Variants in EPHX3 observed in about 807,000 individuals in gnomAD.
EPHX3 encodes epoxide hydrolase 3.
In EPHX3, 39 loss-of-function variants were observed where a neutral mutation model predicts 40.2. The ratio of observed to expected loss-of-function variants is 0.97; its 90% confidence interval spans 0.75 to 1.27. The LOEUF is 1.27. Ranked by LOEUF, EPHX3 falls within the 50% of genes most tolerant of loss-of-function variation. EPHX3 has a pLI of 0.00. For missense variants in EPHX3, 442 were observed against 474.0 expected, an observed-to-expected ratio of 0.93 and a Z score of 0.63; for synonymous variants, 213 against 209.7, an observed-to-expected ratio of 1.02 and a Z score of -0.14.
Position 15,232,136 on chromosome 19 carries a change from T to G in EPHX3, c.76A>C (p.Ser26Arg), listed in dbSNP as rs2047160467. 1 of 1,536,898 alleles carries G rather than the reference T, an allele frequency of 6.5e-7. No homozygotes were observed. The highest frequency in any genetic ancestry group is 1.4e-5 in the African/African-American group (1 of 71,480). ...SLKLLRAFMW[S>R]LVFSVALVAA... ...ACCAGCGCCACCGAGAACACCAGGC[T>G]CCACATGAAGGCGCGCAGCAGCTTC... is the stretch of plus-strand genomic sequence containing the variant. Residue 26 changes from serine to arginine, a missense_variant, in exon 1 of 7, where the codon AGC becomes CGC. Ser to Arg is a moderately radical substitution (Grantham distance 110). Transcript: ENST00000221730.
At chr19:15,233,830 C>A (rs1306189233), upstream of EPHX3, among the ~76,000 whole-genome samples, 2 of 151,996 alleles carry the variant, frequency 1.3e-5, no homozygotes, top group African/African-American at 2.4e-5. Flanking sequence ...TTTGGGAGGC[C>A]GAGGCGGGCG....
Position 15,231,525 on chromosome 19 carries a change from T to C in EPHX3, c.330-129A>G, listed in dbSNP as rs955170081. The C allele has an allele frequency of 2.3e-6, 3 of 1,287,422 alleles. No individual in the cohort carries two copies. The East Asian group carries it at 7.6e-5, about 32-fold the overall frequency. The allele number at this position is 1,287,422 out of a possible 1,614,324, so 79.7% of individuals were successfully genotyped here. ...CTTCCCCTAAAAGGAGGATGGGGAATCCCAGGCAGAGGCAGAGGCTGAGGC... is the reference window on the plus strand; with the variant it reads ...CTTCCCCTAAAAGGAGGATGGGGAACCCCAGGCAGAGGCAGAGGCTGAGGC... On this transcript the variant is annotated intron_variant, in intron 2 of 6. Coordinates refer to ENST00000221730, the MANE Select transcript of EPHX3 (RefSeq NM_024794.3).
upstream of EPHX3, chr19:15,236,023 GGTA>G (rs1447266268): frequency 2.0e-5 from 3 of 152,252 alleles, no homozygotes; most frequent in Admixed American, 1.3e-4. Context: ...GTGGCACAGT[GGTA>G]TATGAGAAAG....
rs549272587 is a variant in EPHX3 at position 15,232,447 on chromosome 19, G to C, written c.-236C>G. On this transcript the variant is annotated 5_prime_UTR_variant, in exon 1 of 7. Transcript: ENST00000221730. ...GGCGCGACAGGGACAGGAAACAAGG[G>C]TAGGGTGCGGAGGCTGGGGAGGAAG... The C allele has an allele frequency of 7.4e-7, 1 of 1,344,700 alleles. No individual in the cohort carries two copies. Among genetic ancestry groups the C allele is most frequent in the Admixed American group, 4.0e-5 (1 of 24,934 alleles). 83.3% of individuals were successfully genotyped at this position (1,344,700 alleles called of 1,614,324 possible).
rs551056799 is a variant in EPHX3, at chr19:15,227,962, GC to G, written c.720+34del. The G allele has an allele frequency of 1.4e-4, 224 of 1,614,076 alleles. 1 individual carries two copies. The African/African-American group carries it at 2.2e-3, about 16-fold the overall frequency. ...TGCCCAGCCTGCCCAGCCCCGACCT[GC>G]TTCCCTCCTCCCTTCAACCTGCACC... On this transcript the variant is annotated intron_variant, in intron 5 of 6. Transcript: ENST00000221730.
chr19:15,230,062 ACCTTCATAAGCCCAGGAG>A (rs1288981664), intron 4 of EPHX3, among the ~76,000 whole-genome samples: 1 of 151,702 alleles, frequency 6.6e-6, no homozygotes, highest in Admixed American at 6.6e-5. Context: ...GGATAATACA[ACCTTCATAAGCCCAGGAG>A]CCTTAAGTAG....
chr19:15,233,577 G>A (rs1224695284), upstream of EPHX3: 1 of 152,386 alleles, frequency 6.6e-6, no homozygotes, highest in Non-Finnish European at 1.5e-5. Flanking sequence ...CAGGTGTTGA[G>A]GCCCAGGCTC....
Position 15,227,982 on chromosome 19 carries a change from C to T in EPHX3, c.720+15G>A, listed in dbSNP as rs764889888. ...GACCTGCTTCCCTCCTCCCTTCAAC[C>T]TGCACCCTCTGTACCTGAAAGTCAG... On this transcript the variant is annotated intron_variant, in intron 5 of 6. Coordinates refer to ENST00000221730, the MANE Select transcript of EPHX3 (RefSeq NM_024794.3). 1.9e-6 allele frequency: 3 copies of T among 1,614,102 alleles called. No individual in the cohort carries two copies. In the South Asian group the frequency reaches 3.3e-5, roughly 18 times the overall value.
In EPHX3 at chr19:15,232,443, A is replaced by C; in HGVS notation, c.-232T>G. ...CCTGGGCGCGACAGGGACAGGAAAC[A>C]AGGGTAGGGTGCGGAGGCTGGGGAG... On this transcript the variant is annotated 5_prime_UTR_variant, in exon 1 of 7. Transcript: ENST00000221730. 1 of 1,340,680 alleles carries C rather than the reference A, an allele frequency of 7.5e-7. No individual in the cohort carries two copies. The highest frequency in any genetic ancestry group is 9.5e-7 in the Non-Finnish European group (1 of 1,052,524). The allele number at this position is 1,340,680 out of a possible 1,614,324, so 83.0% of individuals were successfully genotyped here.
chr19:15,227,630 G>A lies in EPHX3; in HGVS notation c.890C>T (p.Thr297Ile). Residue 297 changes from threonine (T) to isoleucine (I), a missense_variant, in exon 7 of 7, where the codon ACA (threonine) becomes ATA (isoleucine). Physicochemically the swap from Thr to Ile is moderately conservative, Grantham distance 89. Transcript: ENST00000221730. ...NFPLEPQELT[T>I]PTLLLWGEKD... ...CTCCCCCCACAGCAGCAATGTGGGTGTGGTCAGCTCCTGGGGTTCCAGGGG... is the reference window on the plus strand; with the variant it reads ...CTCCCCCCACAGCAGCAATGTGGGTATGGTCAGCTCCTGGGGTTCCAGGGG... 2 of 1,614,130 alleles carry A rather than the reference G, an allele frequency of 1.2e-6. No individual in the cohort carries two copies. The highest frequency in any genetic ancestry group is 1.7e-6 in the Non-Finnish European group (2 of 1,180,042).
chr19:15,232,709 T>C (rs1052199200), upstream of EPHX3, among the ~76,000 whole-genome samples: 7 of 152,062 alleles, frequency 4.6e-5, no homozygotes, highest in East Asian at 1.4e-3. Flanking sequence ...AAACCCCGTC[T>C]CTACTAAAAA....
chr19:15,228,333 C>A (rs756344872), intron 4 of EPHX3, among the ~76,000 whole-genome samples: 1 of 152,038 alleles, frequency 6.6e-6, no homozygotes, highest in Non-Finnish European at 1.5e-5. Flanking sequence ...CCCCCATATC[C>A]AAAGGTGTGC....
At chr19:15,236,111 G>C (rs760308756), upstream of EPHX3, 15 of 152,338 alleles carry the variant, frequency 9.8e-5, no homozygotes, top group South Asian at 2.1e-4. Context: ...CTCACAGGGA[G>C]GTTTGGCAGA....
At chr19:15,231,711 T>C in intron 2 of EPHX3, 65 bp downstream of exon 2, 1 of 1,530,104 alleles carries the variant, frequency 6.5e-7, no homozygotes, top group Non-Finnish European at 9.1e-7. Flanking sequence ...TCCCTGCCTC[T>C]TGGGAGCCCA....
At position 15,227,878 on chromosome 19, in the gene EPHX3, C is replaced by T; in HGVS notation, c.750G>A (p.Lys250=). 1 of 1,614,088 alleles carries T rather than the reference C, an allele frequency of 6.2e-7. No individual in the cohort carries two copies. Among genetic ancestry groups the T allele is most frequent in the Non-Finnish European group, 8.5e-7 (1 of 1,180,032 alleles). The change falls in exon 6 of 7, where the codon AAG becomes AAA. Residue 250 remains lysine (K), a synonymous_variant. Coordinates refer to ENST00000221730, the MANE Select transcript of EPHX3 (RefSeq NM_024794.3). ...TGGGGGTCAAGCATGGGATGCCTGT[C>T]TTGCGGTGGGTGAGGGTGGTCTTCA... is the stretch of plus-strand genomic sequence containing the variant. ...QILKTTLTHR[K]TGIPCLTPSE... is the part of the protein sequence containing the mutation.
upstream of EPHX3, chr19:15,232,514 T>G: frequency 2.8e-6 from 3 of 1,059,000 alleles, no homozygotes; most frequent in Middle Eastern, 3.6e-4. Flanking sequence ...GCCTAGCAGG[T>G]CCTGTGCGGG....
chr19:15,235,163 C>T (rs1158135258), upstream of EPHX3, among the ~76,000 whole-genome samples: 1 of 151,902 alleles, frequency 6.6e-6, no homozygotes, highest in Non-Finnish European at 1.5e-5. Flanking sequence ...TACCGCGCCC[C>T]GCTAATTTTT....
rs546876108 is a variant in EPHX3, at chr19:15,229,885, C to CAAAAAAAAAAAAAA, written c.616+1063_616+1076dup. 7.5e-3 allele frequency among the ~76,000 whole-genome samples: 70 copies of CAAAAAAAAAAAAAA among 9,356 alleles called. 7 individuals are homozygous for CAAAAAAAAAAAAAA. Among genetic ancestry groups the CAAAAAAAAAAAAAA allele is most frequent in the Non-Finnish European group, 8.8e-3 (46 of 5,206 alleles). 6.1% of individuals were successfully genotyped at this position (9,356 alleles called of 152,430 possible). A position where few individuals can be genotyped will look rare whatever the true frequency, so the allele number is the denominator to read the frequency against. On this transcript the variant is annotated intron_variant, in intron 4 of 6. Coordinates refer to ENST00000221730, the MANE Select transcript of EPHX3 (RefSeq NM_024794.3). Reference sequence around the variant, plus strand: ...CTGGCGACAGAGCAAGACTCTGTCTCAAAAAAAAAAAAAAAAAAAAAAAAA... The same window carrying CAAAAAAAAAAAAAA: ...CTGGCGACAGAGCAAGACTCTGTCTCAAAAAAAAAAAAAAAAAAAAAAAAAAAAAAAAAAAAAAA...
At chr19:15,233,474 A>C (rs972067258), upstream of EPHX3, 9 of 151,874 alleles carry the variant, frequency 5.9e-5, no homozygotes, top group African/African-American at 2.2e-4. Context: ...CTGCTGGCCC[A>C]ACAGGCCCGC....
Sources: gnomAD v4.1 joint callset for allele counts (sites outside exome capture counted in the v4.1 genomes callset) on GRCh38, gnomAD v4.1.1 for gene constraint, MANE v1.5 for transcripts, NCBI Gene and HGNC (gene_info 2026-07-23, HGNC 2026-07-21) for gene names.